The following MINDY2 variants were observed in gnomAD, a reference collection of about 807,000 sequenced individuals.
MINDY2 encodes ubiquitin carboxyl-terminal hydrolase MINDY-2.
MINDY2 carries 52 observed loss-of-function variants against 68.2 expected under a neutral mutation model. That is an observed-to-expected ratio of 0.76 (90% CI 0.61 to 0.96). MINDY2 has a LOEUF of 0.96. Ranked by LOEUF, MINDY2 falls within the 40% of genes least tolerant of loss-of-function variation. The pLI, the probability that MINDY2 is intolerant of heterozygous loss-of-function variation, is 0.00. For missense variants in MINDY2, 881 were observed against 773.4 expected (o/e 1.14, Z -1.65); for synonymous variants, 372 against 303.0 (o/e 1.23, Z -2.36).
At chr15:58,791,215 T>TTATATATATATATATATATATACA (rs1901873995) in intron 2 of MINDY2, among the ~76,000 whole-genome samples, 7 of 79,582 alleles carry the variant, frequency 8.8e-5, no homozygotes, top group Non-Finnish European at 1.6e-4. Context: ...GAAAGCAATT[T>TTATATATATATATATATATATACA]TATATATATA....
intron 1 of MINDY2, among the ~76,000 whole-genome samples, chr15:58,778,276 C>G (rs1044318482): frequency 1.3e-5 from 2 of 152,044 alleles, no homozygotes; most frequent in African/African-American, 4.8e-5. Context: ...AATGAATGCA[C>G]TAATTTAAGA....
chr15:58,790,646 G>T (rs958702300), intron 2 of MINDY2, among the ~76,000 whole-genome samples: 9 of 152,134 alleles, frequency 5.9e-5, no homozygotes, highest in African/African-American at 1.9e-4. Context: ...GCAAAAGATG[G>T]TGGCTTTAAA....
intron 4 of MINDY2, among the ~76,000 whole-genome samples, chr15:58,821,403 G>C (rs1427951627): frequency 2.7e-5 from 4 of 150,254 alleles, no homozygotes; most frequent in African/African-American, 9.8e-5. Context: ...TTCTGGAATA[G>C]TTTATGTTTT....
chr15:58,829,934 A>T (rs2031621724), intron 5 of MINDY2, among the ~76,000 whole-genome samples: 1 of 152,120 alleles, frequency 6.6e-6, no homozygotes, highest in Non-Finnish European at 1.5e-5. Context: ...TTTCTTTTCA[A>T]TTTATTGTTG....
At chr15:58,790,667 TAAGTG>T (rs1329143616) in intron 2 of MINDY2, among the ~76,000 whole-genome samples, 1 of 152,058 alleles carries the variant, frequency 6.6e-6, no homozygotes, top group Non-Finnish European at 1.5e-5. Context: ...CAAGGTAAAA[TAAGTG>T]AAGTTTGTAA....
intron 2 of MINDY2, 76 bp downstream of exon 2, chr15:58,788,039 C>A: frequency 1.1e-6 from 1 of 945,486 alleles, no homozygotes; most frequent in Non-Finnish European, 1.6e-6. Context: ...CCAGTCTCAC[C>A]TTTCTGAAGT....
chr15:58,797,150 T>C (rs528469436), intron 2 of MINDY2, among the ~76,000 whole-genome samples: 21 of 152,140 alleles, frequency 1.4e-4, no homozygotes, highest in Non-Finnish European at 2.8e-4. Context: ...AAAAAGAATA[T>C]CAGTAATTTA....
intron 5 of MINDY2, among the ~76,000 whole-genome samples, chr15:58,824,293 GTTA>G: frequency 6.6e-6 from 1 of 152,042 alleles, no homozygotes; most frequent in African/African-American, 2.4e-5. Flanking sequence ...AAAAACTATA[GTTA>G]ATATATGTGT....
At chr15:58,806,155 C>T (rs1477301589) in intron 3 of MINDY2, among the ~76,000 whole-genome samples, 1 of 152,152 alleles carries the variant, frequency 6.6e-6, no homozygotes, top group Admixed American at 6.5e-5. Context: ...CTCAGTACAA[C>T]TTCCGCCTTT....
intron 6 of MINDY2, among the ~76,000 whole-genome samples, chr15:58,833,968 C>T (rs1231780987): frequency 6.6e-6 from 1 of 152,112 alleles, no homozygotes; most frequent in African/African-American, 2.4e-5. Context: ...TTGGACAATA[C>T]CTGGCTTTCC....
chr15:58,820,909 AACTT>A (rs1287854386), intron 4 of MINDY2, among the ~76,000 whole-genome samples: 15 of 151,612 alleles, frequency 9.9e-5, no homozygotes, highest in South Asian at 4.1e-4. Context: ...TTAGATATAT[AACTT>A]ACTTATACAG....
chr15:58,832,368 A>C (rs188023775), intron 6 of MINDY2, among the ~76,000 whole-genome samples: 1 of 151,436 alleles, frequency 6.6e-6, no homozygotes, highest in Admixed American at 6.6e-5. Context: ...CTGGGATTAC[A>C]GGCATGCACC....
At chr15:58,819,845 T>C (rs2030947163) in intron 4 of MINDY2, among the ~76,000 whole-genome samples, 1 of 152,180 alleles carries the variant, frequency 6.6e-6, no homozygotes. Flanking sequence ...CTGGAACTCA[T>C]AGATGTTTTT....
At chr15:58,841,126 C>T (rs187199817) in intron 6 of MINDY2, among the ~76,000 whole-genome samples, 24 of 151,086 alleles carry the variant, frequency 1.6e-4, no homozygotes, top group African/African-American at 2.7e-4. Context: ...GGATTATAGG[C>T]GCGCACCACC....
chr15:58,849,487 A>C (rs1441773145), intron 7 of MINDY2, among the ~76,000 whole-genome samples: 1 of 152,128 alleles, frequency 6.6e-6, no homozygotes, highest in East Asian at 1.9e-4. Flanking sequence ...CCTGGACGAC[A>C]GAGCAAGACT....
intron 6 of MINDY2, among the ~76,000 whole-genome samples, chr15:58,841,172 A>G (rs2032264440): frequency 6.6e-6 from 1 of 151,506 alleles, no homozygotes; most frequent in South Asian, 2.1e-4. Context: ...TAGTAGAGAC[A>G]GAGTTTCACC....
Position 58,854,808 on chromosome 15 carries a change from C to T in MINDY2, c.*198C>T, listed in dbSNP as rs1595791215. On this transcript the variant is annotated 3_prime_UTR_variant, in exon 9 of 9. Transcript: ENST00000559228. The stretch of plus-strand genomic sequence containing the variant: ...ATACACTCTTTATGAGCTGGAGTTT[C>T]ATGTTACAAGTTGGAAATGCTGTGT... The T allele has an allele frequency of 4.6e-6, 2 of 438,274 alleles. No individual in the cohort carries two copies. Among genetic ancestry groups the T allele is most frequent in the African/African-American group, 2.0e-5 (1 of 50,454 alleles). The allele number at this position is 438,274 out of a possible 1,614,324, so 27.1% of individuals were successfully genotyped here.
intron 4 of MINDY2, among the ~76,000 whole-genome samples, chr15:58,819,786 C>T (rs570561874): frequency 1.3e-5 from 2 of 152,280 alleles, no homozygotes; most frequent in East Asian, 1.9e-4. Flanking sequence ...AGATTGTGCC[C>T]TCAAATTGTT....
chr15:58,848,320 A>G (rs1189930993), intron 7 of MINDY2, among the ~76,000 whole-genome samples: 1 of 152,220 alleles, frequency 6.6e-6, no homozygotes, highest in Non-Finnish European at 1.5e-5. Context: ...ATTAGGTCCT[A>G]GAGATACAAA....
Sources: gnomAD v4.1 joint callset for allele counts (sites outside exome capture counted in the v4.1 genomes callset) on GRCh38, gnomAD v4.1.1 for gene constraint, MANE v1.5 for transcripts, NCBI Gene and HGNC (gene_info 2026-07-23, HGNC 2026-07-21) for gene names.